Variants in THSD7B observed in about 807,000 individuals in gnomAD.
THSD7B encodes the protein thrombospondin type-1 domain-containing protein 7B.
THSD7B carries 138 observed loss-of-function variants against 213.6 expected under a neutral mutation model. The observed-to-expected ratio is 0.65, with a 90% CI of 0.56 to 0.74. THSD7B has a LOEUF of 0.74. Ranked by LOEUF, THSD7B falls within the 30% of genes least tolerant of loss-of-function variation. The pLI, the probability that THSD7B is intolerant of heterozygous loss-of-function variation, is 0.00. For synonymous variants in THSD7B, 742 were observed against 687.0 expected, an observed-to-expected ratio of 1.08 and a Z score of -1.25; for missense variants, 1,931 against 1,991.5, an observed-to-expected ratio of 0.97 and a Z score of 0.58.
intron 2 of THSD7B, among the ~76,000 whole-genome samples, chr2:136,941,922 A>C (rs1684835268): frequency 4.6e-5 from 7 of 152,126 alleles, no homozygotes. Flanking sequence ...GTCCTTGCCC[A>C]TGCCTGTGTC....
chr2:136,866,736 A>T (rs1194790598), intron 1 of THSD7B, among the ~76,000 whole-genome samples: 1 of 152,196 alleles, frequency 6.6e-6, no homozygotes, highest in African/African-American at 2.4e-5. Flanking sequence ...CCAACATTCT[A>T]CCTGTTGGTT....
At chr2:137,215,094 G>C (rs1342435761) in intron 7 of THSD7B, among the ~76,000 whole-genome samples, 1 of 152,082 alleles carries the variant, frequency 6.6e-6, no homozygotes, top group Admixed American at 6.6e-5. Flanking sequence ...TCCAGCACCT[G>C]TTGTTTCCTG....
At chr2:136,999,110 T>C (rs1363789454) in intron 2 of THSD7B, among the ~76,000 whole-genome samples, 3 of 152,182 alleles carry the variant, frequency 2.0e-5, no homozygotes, top group Non-Finnish European at 2.9e-5. Flanking sequence ...TCATTGTATT[T>C]TGCCTGCAGA....
Position 137,010,418 on chromosome 2 carries a change from T to C in THSD7B, c.140-46002T>C, listed in dbSNP as rs374879134. 2.6e-5 allele frequency among the ~76,000 whole-genome samples: 4 copies of C among 152,370 alleles called. No homozygotes were observed. The South Asian group carries it at 8.3e-4, about 32-fold the overall frequency. ...GTTCCATGACCTGCTATTTTCTTAC[T>C]AATAAAATAACAGTAATGTCTACCT... On this transcript the variant is annotated intron_variant, in intron 2 of 27. Transcript: ENST00000409968.
intron 15 of THSD7B, among the ~76,000 whole-genome samples, chr2:137,558,117 C>T (rs973710280): frequency 7.2e-5 from 11 of 152,086 alleles, no homozygotes; most frequent in Admixed American, 3.3e-4. Flanking sequence ...GATTCACAGC[C>T]GAATTCTACC....
chr2:137,436,759 A>T (rs1687300785), intron 14 of THSD7B, among the ~76,000 whole-genome samples: 1 of 152,210 alleles, frequency 6.6e-6, no homozygotes, highest in African/African-American at 2.4e-5. Context: ...CAAAAAAATT[A>T]TACCAAAATG....
intron 6 of THSD7B, among the ~76,000 whole-genome samples, chr2:137,167,773 G>A (rs1441953412): frequency 6.6e-6 from 1 of 152,138 alleles, no homozygotes; most frequent in Non-Finnish European, 1.5e-5. Flanking sequence ...CTGTGGTCAG[G>A]AAATGTTGAT....
intron 1 of THSD7B, among the ~76,000 whole-genome samples, chr2:136,802,932 C>T (rs1682215384): frequency 6.6e-6 from 1 of 151,726 alleles, no homozygotes; most frequent in South Asian, 2.1e-4. Context: ...ATTTTGCCTA[C>T]ATCAGAGCTA....
chr2:137,615,231 C>T (rs1228297957), intron 17 of THSD7B, among the ~76,000 whole-genome samples: 3 of 152,134 alleles, frequency 2.0e-5, no homozygotes, highest in Non-Finnish European at 1.5e-5. Flanking sequence ...GAAAGGTTAG[C>T]ACCTGAGGAT....
At chr2:137,448,050 TTAG>T (rs1318175134) in intron 14 of THSD7B, among the ~76,000 whole-genome samples, 1 of 152,208 alleles carries the variant, frequency 6.6e-6, no homozygotes, top group Non-Finnish European at 1.5e-5. Flanking sequence ...ATGTGAGGTC[TTAG>T]AAGTTTGAAA....
intron 14 of THSD7B, among the ~76,000 whole-genome samples, chr2:137,448,501 G>C (rs762886312): frequency 4.3e-4 from 66 of 152,178 alleles, no homozygotes; most frequent in Non-Finnish European, 1.2e-4. Context: ...AGAATCATCT[G>C]AATGTGTTTA....
At chr2:137,504,458 C>T (rs2105142029) in intron 15 of THSD7B, among the ~76,000 whole-genome samples, 1 of 152,258 alleles carries the variant, frequency 6.6e-6, no homozygotes, top group South Asian at 2.1e-4. Flanking sequence ...CCATCTAATC[C>T]ATGTAGTTGA....
At chr2:137,526,147 T>C (rs1394394451) in intron 15 of THSD7B, among the ~76,000 whole-genome samples, 1 of 152,084 alleles carries the variant, frequency 6.6e-6, no homozygotes, top group Non-Finnish European at 1.5e-5. Flanking sequence ...CCATGTCCCG[T>C]ACCACTTCTA....
rs190123818 is a variant in THSD7B, at chr2:136,888,877, A to G, written c.139+6560A>G. On this transcript the variant is annotated intron_variant, in intron 2 of 27. Coordinates refer to ENST00000409968, the MANE Select transcript of THSD7B (RefSeq NM_001316349.2). ...AGTGTCAAGAATATACATAACCTAT[A>G]TAATAAGAATAAAATATGAAAAATA... 9.9e-5 allele frequency among the ~76,000 whole-genome samples: 15 copies of G among 152,272 alleles called. No homozygotes were observed. The East Asian group carries it at 2.9e-3, about 29-fold the overall frequency.
chr2:137,131,957 A>G (rs1688740619), intron 5 of THSD7B, among the ~76,000 whole-genome samples: 1 of 151,038 alleles, frequency 6.6e-6, no homozygotes, highest in Non-Finnish European at 1.5e-5. Context: ...TTGAATCTGT[A>G]AATTACCTTG....
At chr2:137,221,067 G>A (rs1681358409) in intron 7 of THSD7B, among the ~76,000 whole-genome samples, 1 of 152,100 alleles carries the variant, frequency 6.6e-6, no homozygotes, top group Non-Finnish European at 1.5e-5. Context: ...TTGGGAGTCC[G>A]AGGCGGGCGG....
chr2:137,614,314 C>T lies in THSD7B; in HGVS notation c.3424-1861C>T, dbSNP rs545874632. ...CTTCTTTCTCATCTAGGTTTAGATG[C>T]GGAACTAAGGTTTAGAGTATATAAG... On this transcript the variant is annotated intron_variant, in intron 17 of 27. Coordinates refer to ENST00000409968, the MANE Select transcript of THSD7B (RefSeq NM_001316349.2). 6.6e-5 allele frequency among the ~76,000 whole-genome samples: 10 copies of T among 152,130 alleles called. No homozygotes were observed. In the East Asian group the frequency reaches 1.2e-3, roughly 18 times the overall value.
intron 12 of THSD7B, among the ~76,000 whole-genome samples, chr2:137,319,993 C>T (rs992854506): frequency 4.6e-5 from 7 of 152,130 alleles, no homozygotes; most frequent in African/African-American, 1.2e-4. Context: ...GAGATGGAGA[C>T]ATTCACTGAG....
chr2:137,132,817 C>T (rs1688765250), intron 5 of THSD7B, among the ~76,000 whole-genome samples: 1 of 152,154 alleles, frequency 6.6e-6, no homozygotes, highest in Non-Finnish European at 1.5e-5. Flanking sequence ...AGACTTTTCC[C>T]TTGTATTCAA....
Sources: allele counts gnomAD v4.1 joint callset (sites outside exome capture counted in the v4.1 genomes callset), GRCh38; gene constraint gnomAD v4.1.1; transcripts MANE v1.5; gene names NCBI Gene and HGNC (gene_info 2026-07-23, HGNC 2026-07-21).